The following ISLR2 variants were observed in gnomAD, a reference collection of about 807,000 sequenced individuals.
ISLR2 encodes immunoglobulin superfamily containing leucine-rich repeat protein 2.
A neutral mutation model predicts 25.5 loss-of-function variants in ISLR2; 16 were observed. The observed-to-expected ratio is 0.63, with a 90% CI of 0.43 to 0.95. The LOEUF is 0.95. Among genes scored for constraint, ISLR2 ranks in the 40% least tolerant of loss-of-function variants. The probability of loss-of-function intolerance (pLI) is 0.00; values close to 1 mark genes in which losing one functional copy is unlikely to be tolerated. For missense variants in ISLR2, 883 were observed against 1,030.7 expected (o/e 0.86, Z 1.96); for synonymous variants, 508 against 486.6 (o/e 1.04, Z -0.58).
At chr15:74,124,438 G>C (rs1362003815), upstream of ISLR2, among the ~76,000 whole-genome samples, 1 of 152,102 alleles carries the variant, frequency 6.6e-6, no homozygotes, top group Admixed American at 6.6e-5. Context: ...AGAGAAGCCT[G>C]TCTTTCTAAC....
At position 74,132,609 on chromosome 15, in the gene ISLR2, G is replaced by T; in HGVS notation, c.-8-138G>T. The T allele has an allele frequency of 8.2e-7, 1 of 1,213,778 alleles. No individual in the cohort carries two copies. Among genetic ancestry groups the T allele is most frequent in the Non-Finnish European group, 1.1e-6 (1 of 898,036 alleles). 75.2% of individuals were successfully genotyped at this position (1,213,778 alleles called of 1,614,324 possible). A position where few individuals can be genotyped will look rare whatever the true frequency, so the allele number is the denominator to read the frequency against. ...TTTTTATTGACCTTCACTTCAGAGAGGCTCCTGGCCATAGAGGAGGTTACC... is the reference window on the plus strand; with the variant it reads ...TTTTTATTGACCTTCACTTCAGAGATGCTCCTGGCCATAGAGGAGGTTACC... On this transcript the variant is annotated intron_variant, in intron 2 of 2. Transcript: ENST00000453268. The surrounding 1 kb of genome is among the most constrained non-coding windows in gnomAD (Gnocchi z 4.3).
upstream of ISLR2, chr15:74,128,427 A>G (rs2072330639): frequency 4.4e-6 from 2 of 456,020 alleles, no homozygotes; most frequent in Non-Finnish European, 8.8e-6. Context: ...CCGCGTCCTT[A>G]ACCACCCCAG....
upstream of ISLR2, chr15:74,128,862 G>GCCCCCCCCCCCCCCCCCCCCCCCCC: frequency 3.3e-6 from 1 of 303,654 alleles, no homozygotes. Context: ...GCCGCTCCCC[G>GCCCCCCCCCCCCCCCCCCCCCCCCC]CCCCCACCCC....
intron 2 of ISLR2, among the ~76,000 whole-genome samples, chr15:74,116,274 C>A (rs1445074552): frequency 2.6e-5 from 4 of 151,154 alleles, no homozygotes; most frequent in Non-Finnish European, 5.9e-5. Context: ...TAAAATACTC[C>A]ATAAGGACAG....
At position 74,136,052 on chromosome 15, in the gene ISLR2, T is replaced by TG. The variant is rs549025246; in HGVS notation, c.*1063dup. ...GTGCTAACACCCCCTTCCCAGCCTC[T>TG]GGGAAAATCGAGTGTGTGTGTCGGG... On this transcript the variant is annotated 3_prime_UTR_variant, in exon 3 of 3. Transcript: ENST00000453268. 147 of 166,968 alleles carry TG rather than the reference T, an allele frequency of 8.8e-4. No individual in the cohort carries two copies. The highest frequency in any genetic ancestry group is 1.7e-3 in the Non-Finnish European group (117 of 68,122). The allele number at this position is 166,968 out of a possible 1,614,324, so 10.3% of individuals were successfully genotyped here. A position where few individuals can be genotyped will look rare whatever the true frequency, so the allele number is the denominator to read the frequency against.
intron 2 of ISLR2, among the ~76,000 whole-genome samples, chr15:74,110,777 C>T (rs1228308277): frequency 1.3e-5 from 2 of 151,828 alleles, no homozygotes; most frequent in South Asian, 2.1e-4. Context: ...GCCAACATGG[C>T]GATACCGCAT....
rs1293207322 is a variant in ISLR2, at chr15:74,132,731, T to C, written c.-8-16T>C. 6 of 1,601,994 alleles carry C rather than the reference T, an allele frequency of 3.7e-6. No individual in the cohort carries two copies. Among genetic ancestry groups the C allele is most frequent in the Admixed American group, 1.7e-5 (1 of 59,524 alleles). On this transcript the variant is annotated splice_polypyrimidine_tract_variant and intron_variant, in intron 2 of 2. Transcript: ENST00000453268. This position sits in a 1 kb window ranked among gnomAD's most constrained non-coding sequence, Gnocchi z 4.3. The stretch of plus-strand genomic sequence containing the variant: ...TGAGTCACCTTCTTTCTTCTTCACC[T>C]GGCTTCCATCTGCAGGAGCCGCGAT...
rs745813574 is a variant in ISLR2, at chr15:74,134,650, G to T, written c.1896G>T (p.Gln632His). The change falls in exon 3 of 3, where the codon CAG (glutamine) becomes CAT (histidine). Residue 632 changes from glutamine to histidine, a missense_variant. By Grantham distance (24) the Gln-to-His change is conservative. Transcript: ENST00000453268. The part of the protein sequence containing the change: ...GKPYRLILRP[Q>H]APDPMEKRIA... ...CCTACCGTCTGATCCTGCGGCCTCA[G>T]GCCCCTGACCCTATGGAGAAGCGCA... is the stretch of plus-strand genomic sequence containing the variant. 1 of 1,614,144 alleles carries T rather than the reference G, an allele frequency of 6.2e-7. No homozygotes were observed. Among genetic ancestry groups the T allele is most frequent in the South Asian group, 1.1e-5 (1 of 91,092 alleles).
chr15:74,117,354 C>T (rs1160531386), intron 2 of ISLR2, among the ~76,000 whole-genome samples: 1 of 152,188 alleles, frequency 6.6e-6, no homozygotes, highest in Non-Finnish European at 1.5e-5. Flanking sequence ...TTGCAACCTT[C>T]TGTGGCCAGA....
At chr15:74,119,450 G>A (rs1333952518) in intron 2 of ISLR2, among the ~76,000 whole-genome samples, 3 of 151,952 alleles carry the variant, frequency 2.0e-5, no homozygotes, top group East Asian at 1.9e-4. Context: ...GGCTCAAGTG[G>A]TCCTCCCAAA....
chr15:74,136,822 G>C (rs2072574859), downstream of ISLR2: 2 of 167,094 alleles, frequency 1.2e-5, no homozygotes. Flanking sequence ...GTGACTTTTT[G>C]TCAGGGGACA....
At chr15:74,111,151 A>C (rs1038242052) in intron 2 of ISLR2, among the ~76,000 whole-genome samples, 6 of 151,554 alleles carry the variant, frequency 4.0e-5, no homozygotes, top group East Asian at 1.9e-4. Flanking sequence ...AAAAAAAAAA[A>C]AAAAAAAACA....
chr15:74,123,667 C>G (rs1373429894), upstream of ISLR2, among the ~76,000 whole-genome samples: 1 of 152,188 alleles, frequency 6.6e-6, no homozygotes, highest in Non-Finnish European at 1.5e-5. Context: ...AAAAGTGCCT[C>G]TCTTCTCTGC....
At chr15:74,139,070 A>G (rs1322769563), downstream of ISLR2, among the ~76,000 whole-genome samples, 1 of 152,190 alleles carries the variant, frequency 6.6e-6, no homozygotes. Context: ...GAGTGCCACT[A>G]GGGCAGGTGG....
intron 2 of ISLR2, among the ~76,000 whole-genome samples, chr15:74,121,964 C>G (rs2072255762): frequency 6.6e-6 from 1 of 152,200 alleles, no homozygotes; most frequent in African/African-American, 2.4e-5. Flanking sequence ...TGCCCGTGGG[C>G]AATGGAGTGG....
intron 2 of ISLR2, among the ~76,000 whole-genome samples, chr15:74,112,358 G>A (rs557686629): frequency 6.6e-6 from 1 of 152,224 alleles, no homozygotes; most frequent in Non-Finnish European, 1.5e-5. Flanking sequence ...TATTTAGTAA[G>A]TATGTACCAT....
At chr15:74,110,669 A>AC (rs1309201310) in intron 2 of ISLR2, among the ~76,000 whole-genome samples, 2 of 151,820 alleles carry the variant, frequency 1.3e-5, no homozygotes, top group African/African-American at 4.8e-5. Flanking sequence ...AAAAAAAAAA[A>AC]AAAAAGGCTG....
rs1402974784 is a variant in ISLR2, at chr15:74,136,556, C to A, written c.*1564C>A. 2.0e-4 allele frequency: 2 copies of A among 10,246 alleles called. No individual in the cohort carries two copies. Among genetic ancestry groups the A allele is most frequent in the Non-Finnish European group, 5.9e-4 (2 of 3,406 alleles). 0.6% of individuals were successfully genotyped at this position (10,246 alleles called of 1,614,324 possible). The stretch of plus-strand genomic sequence containing the variant: ...AGTGTGACCGTGTAGTGTAGGGGGG[C>A]GGGCGGGGGGGCGGATGGGCGGGGA... On this transcript the variant is annotated 3_prime_UTR_variant, in exon 3 of 3. Coordinates refer to ENST00000453268, the MANE Select transcript of ISLR2 (RefSeq NM_020851.3).
At chr15:74,122,388 G>T (rs1291150010) in intron 2 of ISLR2, among the ~76,000 whole-genome samples, 1 of 152,174 alleles carries the variant, frequency 6.6e-6, no homozygotes, top group East Asian at 1.9e-4. Context: ...AAAGTGCTTG[G>T]GAGTCCCATC....
Sources: allele counts gnomAD v4.1 joint callset (sites outside exome capture counted in the v4.1 genomes callset), GRCh38; gene constraint gnomAD v4.1.1; non-coding constraint Gnocchi (gnomAD v3.1); transcripts MANE v1.5; gene names NCBI Gene and HGNC (gene_info 2026-07-23, HGNC 2026-07-21).